The following CACNA1C variants were observed in gnomAD, a reference collection of about 807,000 sequenced individuals.
The protein encoded by CACNA1C is voltage-dependent L-type calcium channel subunit alpha-1C.
In CACNA1C, 30 loss-of-function variants were observed where a neutral mutation model predicts 229.0. The observed-to-expected ratio is 0.13, with a 90% confidence interval of 0.10 to 0.18. CACNA1C has a LOEUF of 0.18. Among genes scored for constraint, CACNA1C ranks in the 10% least tolerant of loss-of-function variants. The pLI is 1.00. For missense variants in CACNA1C, 1,658 were observed against 2,845.0 expected, an observed-to-expected ratio of 0.58 and a Z score of 9.49; for synonymous variants, 1,114 against 1,132.5, an observed-to-expected ratio of 0.98 and a Z score of 0.33.
At position 2,581,002 on chromosome 12, in the gene CACNA1C, C is replaced by G. The variant is rs73035663; in HGVS notation, c.1896-588C>G. Reference sequence around the variant, plus strand: ...GGACAGCGTAAACTTGGGAAACCACCAAGCCATGAACTCTCTCTTACCCGT... The same window carrying G: ...GGACAGCGTAAACTTGGGAAACCACGAAGCCATGAACTCTCTCTTACCCGT... On this transcript the variant is annotated intron_variant, in intron 13 of 46. Coordinates refer to ENST00000399655, the MANE Select transcript of CACNA1C (RefSeq NM_000719.7). Among the ~76,000 whole-genome samples, 295 of 152,296 alleles carry G rather than the reference C, an allele frequency of 1.9e-3. 1 individual carries two copies. Among genetic ancestry groups the G allele is most frequent in the Non-Finnish European group, 3.5e-3 (241 of 68,020 alleles).
At chr12:2,591,018 T>A (rs2065036909) in intron 18 of CACNA1C, among the ~76,000 whole-genome samples, 1 of 152,234 alleles carries the variant, frequency 6.6e-6, no homozygotes, top group Non-Finnish European at 1.5e-5. Flanking sequence ...GAACTCCAAC[T>A]CTTGTCCTGT....
intron 1 of CACNA1C, among the ~76,000 whole-genome samples, chr12:2,087,980 A>G (rs1220306261): frequency 1.3e-5 from 2 of 151,916 alleles, no homozygotes; most frequent in African/African-American, 2.4e-5. Context: ...TTTGTCACCC[A>G]CTCATTCTGC....
chr12:2,140,411 T>C lies in CACNA1C; in HGVS notation c.477+19981T>C, dbSNP rs546623121. On this transcript the variant is annotated intron_variant, in intron 3 of 46. Coordinates refer to ENST00000399655, the MANE Select transcript of CACNA1C (RefSeq NM_000719.7). ...ACTCGATGAGTATTTGCTGAATAAA[T>C]AACTGAATGAATATGTGAAGAAGAG... 1.4e-3 allele frequency among the ~76,000 whole-genome samples: 211 copies of C among 151,430 alleles called. 13 individuals are homozygous for C. Among genetic ancestry groups the C allele is most frequent in the Admixed American group, 3.9e-3 (59 of 15,078 alleles).
At chr12:2,286,813 C>T (rs545230737) in intron 3 of CACNA1C, among the ~76,000 whole-genome samples, 5 of 152,334 alleles carry the variant, frequency 3.3e-5, no homozygotes, top group Non-Finnish European at 7.4e-5. Flanking sequence ...TTTTTTCTTA[C>T]TGAGCAATGC....
At chr12:2,572,453 T>C (rs2055716389) in intron 13 of CACNA1C, among the ~76,000 whole-genome samples, 1 of 40,024 alleles carries the variant, frequency 2.5e-5, no homozygotes, top group African/African-American at 1.1e-4. Context: ...CTTCTCCTCT[T>C]CCTCCTCCTC....
chr12:2,252,858 G>T (rs1192477243), intron 3 of CACNA1C, among the ~76,000 whole-genome samples: 1 of 150,546 alleles, frequency 6.6e-6, no homozygotes, highest in African/African-American at 2.4e-5. Flanking sequence ...GGGTCCATGG[G>T]TTTAACTTTT....
upstream of CACNA1C, among the ~76,000 whole-genome samples, chr12:2,051,392 G>A (rs895117629): frequency 6.6e-6 from 1 of 152,254 alleles, no homozygotes; most frequent in Non-Finnish European, 1.5e-5. Context: ...CAAGGACCAT[G>A]GCTTTTACTA....
intron 29 of CACNA1C, among the ~76,000 whole-genome samples, chr12:2,623,856 C>G (rs758258990): frequency 6.6e-6 from 1 of 152,308 alleles, no homozygotes; most frequent in Admixed American, 6.5e-5. Context: ...CTCCACCCAC[C>G]ACAGGAGCTT....
At chr12:2,194,289 T>C (rs1249500640) in intron 3 of CACNA1C, among the ~76,000 whole-genome samples, 2 of 148,124 alleles carry the variant, frequency 1.4e-5, no homozygotes, top group Non-Finnish European at 3.0e-5. Flanking sequence ...CTCCTATCCC[T>C]CCTCCTCCTA....
chr12:2,510,388 A>G (rs561403274), intron 8 of CACNA1C, among the ~76,000 whole-genome samples: 63 of 152,348 alleles, frequency 4.1e-4, no homozygotes, highest in African/African-American at 1.5e-3. Context: ...GCCATGCTCC[A>G]GATCTGACTA....
intron 1 of CACNA1C, among the ~76,000 whole-genome samples, chr12:1,976,189 TG>T (rs1249851361): frequency 6.6e-6 from 1 of 152,196 alleles, no homozygotes; most frequent in Non-Finnish European, 1.5e-5. Flanking sequence ...AAGGTCACAG[TG>T]ACAAGTTTCA....
At position 2,585,351 on chromosome 12, in the gene CACNA1C, T is replaced by C; in HGVS notation, c.2340-25T>C. The C allele has an allele frequency of 6.2e-7, 1 of 1,605,436 alleles. No individual in the cohort carries two copies. The highest frequency in any genetic ancestry group is 8.5e-7 in the Non-Finnish European group (1 of 1,175,852). ...TATCACTCCAGTAAACAGCCATTTA[T>C]TTTTTTCTGCTGCTGACTGGCCAGG... On this transcript the variant is annotated intron_variant, in intron 16 of 46. Transcript: ENST00000399655. The surrounding 1 kb of genome is among the most constrained non-coding windows in gnomAD (Gnocchi z 4.1).
At chr12:2,139,359 A>G (rs1443764230) in intron 3 of CACNA1C, among the ~76,000 whole-genome samples, 1 of 151,228 alleles carries the variant, frequency 6.6e-6, no homozygotes. Context: ...TTAATCCAGT[A>G]TAACCTCATT....
chr12:1,994,643 A>T (rs2040359604), intron 1 of CACNA1C, among the ~76,000 whole-genome samples: 1 of 152,102 alleles, frequency 6.6e-6, no homozygotes, highest in Admixed American at 6.5e-5. Flanking sequence ...GTCTCTATGA[A>T]CTCTCTATTA....
chr12:2,448,102 G>C (rs751342139), intron 3 of CACNA1C, among the ~76,000 whole-genome samples: 1 of 152,222 alleles, frequency 6.6e-6, no homozygotes, highest in African/African-American at 2.4e-5. Flanking sequence ...GGCGAGGGAC[G>C]TGCATGAATC....
chr12:2,438,056 G>GGTA, intron 3 of CACNA1C, among the ~76,000 whole-genome samples: 1 of 124,604 alleles, frequency 8.0e-6, no homozygotes, highest in Admixed American at 7.4e-5. Context: ...TGGTAATGAT[G>GGTA]GTGGTGATGA....
At chr12:2,091,202 C>T (rs530560248) in intron 1 of CACNA1C, among the ~76,000 whole-genome samples, 7 of 152,270 alleles carry the variant, frequency 4.6e-5, no homozygotes, top group South Asian at 4.2e-4. Flanking sequence ...CAAAAGTATG[C>T]GGGTTACTTG....
chr12:2,246,349 G>A (rs1295850575), intron 3 of CACNA1C, among the ~76,000 whole-genome samples: 1 of 152,182 alleles, frequency 6.6e-6, no homozygotes, highest in East Asian at 1.9e-4. Flanking sequence ...TTCTGAGCAG[G>A]AAAGTAATCT....
intron 3 of CACNA1C, among the ~76,000 whole-genome samples, chr12:2,405,715 A>G (rs1411571456): frequency 6.6e-6 from 1 of 152,192 alleles, no homozygotes; most frequent in African/African-American, 2.4e-5. Flanking sequence ...CCCATTTATG[A>G]TAGAATTGCC....
Sources: allele counts gnomAD v4.1 joint callset (sites outside exome capture counted in the v4.1 genomes callset), GRCh38; gene constraint gnomAD v4.1.1; non-coding constraint Gnocchi (gnomAD v3.1); transcripts MANE v1.5; gene names NCBI Gene and HGNC (gene_info 2026-07-23, HGNC 2026-07-21).